THSD1: variants seen among roughly 807,000 people sequenced by gnomAD.
THSD1 encodes thrombospondin type 1 domain containing 1, also known as thrombospondin type-1 domain-containing protein 1.
In THSD1, 34 loss-of-function variants were observed where a neutral mutation model predicts 46.3. The ratio of observed to expected loss-of-function variants is 0.74; its 90% CI spans 0.56 to 0.98. THSD1 has a LOEUF of 0.98. Ranked by LOEUF, THSD1 falls within the 50% of genes least tolerant of loss-of-function variation. The pLI, the probability that THSD1 is intolerant of heterozygous loss-of-function variation, is 0.00. For synonymous variants in THSD1, 407 were observed against 416.5 expected (o/e 0.98, Z 0.28); for missense variants, 1,023 against 1,058.3 (o/e 0.97, Z 0.46).
intron 2 of THSD1, 86 bp from the exon 3 acceptor site, chr13:52,398,280 T>C: frequency 1.3e-6 from 2 of 1,484,080 alleles, no homozygotes; most frequent in Non-Finnish European, 1.8e-6. Context: ...AATTTTTAAA[T>C]TTTTTTTTGA....
chr13:52,381,935 A>G (rs1255842278), intron 4 of THSD1, among the ~76,000 whole-genome samples: 1 of 152,170 alleles, frequency 6.6e-6, no homozygotes, highest in Non-Finnish European at 1.5e-5. Context: ...AACAGTTCCC[A>G]CCAAGGTTAT....
intron 1 of THSD1, among the ~76,000 whole-genome samples, chr13:52,403,609 G>C (rs757075775): frequency 6.6e-6 from 1 of 152,124 alleles, no homozygotes; most frequent in Non-Finnish European, 1.5e-5. Flanking sequence ...AGCCTCCCGA[G>C]TAGCTGGGAC....
At chr13:52,396,522 T>C (rs1957813545) in intron 3 of THSD1, among the ~76,000 whole-genome samples, 1 of 151,932 alleles carries the variant, frequency 6.6e-6, no homozygotes, top group Non-Finnish European at 1.5e-5. Context: ...CGAGACTCTG[T>C]CTCAAAACAA....
At chr13:52,384,632 T>G (rs767674709) in intron 4 of THSD1, among the ~76,000 whole-genome samples, 1 of 152,194 alleles carries the variant, frequency 6.6e-6, no homozygotes, top group Non-Finnish European at 1.5e-5. Context: ...AAATAAATAT[T>G]GTCACATATA....
chr13:52,389,998 G>A (rs550913368), intron 3 of THSD1, among the ~76,000 whole-genome samples: 4 of 152,028 alleles, frequency 2.6e-5, no homozygotes, highest in African/African-American at 9.6e-5. Context: ...AAATTAGCCA[G>A]GGATAGTGCC....
At chr13:52,394,171 G>C (rs115778480) in intron 3 of THSD1, among the ~76,000 whole-genome samples, 1 of 152,206 alleles carries the variant, frequency 6.6e-6, no homozygotes, top group Non-Finnish European at 1.5e-5. Context: ...AGCATCTGTG[G>C]AAAGCCCAGC....
At chr13:52,400,603 A>AAAAC (rs552746254) in intron 2 of THSD1, among the ~76,000 whole-genome samples, 5,542 of 152,120 alleles carry the variant, frequency 0.036, 132 homozygotes, top group South Asian at 0.068. Flanking sequence ...CCATCTCAAA[A>AAAAC]AAACAAACAA....
intron 3 of THSD1, among the ~76,000 whole-genome samples, chr13:52,388,565 A>C (rs1957750662): frequency 6.6e-6 from 1 of 152,076 alleles, no homozygotes; most frequent in Admixed American, 6.6e-5. Context: ...CGCAACCTCC[A>C]CCCGCCTGGG....
intron 2 of THSD1, among the ~76,000 whole-genome samples, chr13:52,401,224 C>T (rs781667188): frequency 1.4e-4 from 22 of 152,240 alleles, no homozygotes; most frequent in Admixed American, 9.2e-4. Flanking sequence ...CTGCCCGCCT[C>T]GGCTTCCCAA....
chr13:52,390,140 CA>C (rs71769281), intron 3 of THSD1, among the ~76,000 whole-genome samples: 127 of 138,314 alleles, frequency 9.2e-4, no homozygotes, highest in East Asian at 1.7e-3. Context: ...GACATTGTCT[CA>C]AAAAAAAAAA....
intron 3 of THSD1, among the ~76,000 whole-genome samples, chr13:52,396,505 G>A (rs1003085831): frequency 2.0e-5 from 3 of 152,120 alleles, no homozygotes; most frequent in Admixed American, 6.6e-5. Context: ...CAGTCTGGGC[G>A]ACAGAGCGAG....
At position 52,378,133 on chromosome 13, in the gene THSD1, G is replaced by C. The variant is rs1017565864; in HGVS notation, c.1837C>G (p.Gln613Glu). The change falls in exon 5 of 5, where the codon CAG becomes GAG. Residue 613 changes from glutamine (Q) to glutamate (E), a missense_variant. By Grantham distance (29) the Gln-to-Glu change is conservative. Transcript: ENST00000258613. ...PPSRLDLNVTQASCAISPSQT... is the reference protein window; with the variant it reads ...PPSRLDLNVTEASCAISPSQT... ...CTGGGGCTTATGGCACAACTGGCCT[G>C]AGTCACATTTAGATCCAGCCTGGAG... is the stretch of plus-strand genomic sequence containing the variant. 4.3e-6 allele frequency: 7 copies of C among 1,614,086 alleles called. No homozygotes were observed. Among genetic ancestry groups the C allele is most frequent in the East Asian group, 4.5e-5 (2 of 44,892 alleles).
In THSD1 at chr13:52,385,892, C is replaced by G; in HGVS notation, c.1180+136G>C. On this transcript the variant is annotated intron_variant, in intron 4 of 4. Coordinates refer to ENST00000258613, the MANE Select transcript of THSD1 (RefSeq NM_018676.4). ...TACACTAACAAATACAGGGTTAGTACAACCAACAGCAATCACAGAGCATTA... is the reference window on the plus strand; with the variant it reads ...TACACTAACAAATACAGGGTTAGTAGAACCAACAGCAATCACAGAGCATTA... The G allele has an allele frequency of 5.4e-6, 4 of 747,180 alleles. No homozygotes were observed. In the South Asian group the frequency reaches 8.3e-5, roughly 16 times the overall value. The allele number at this position is 747,180 out of a possible 1,614,324, so 46.3% of individuals were successfully genotyped here. A position where few individuals can be genotyped will look rare whatever the true frequency, so the allele number is the denominator to read the frequency against.
chr13:52,380,707 C>T (rs903034437), intron 4 of THSD1, among the ~76,000 whole-genome samples: 3 of 152,092 alleles, frequency 2.0e-5, no homozygotes, highest in African/African-American at 4.8e-5. Context: ...CTTGGCCTCC[C>T]AAAGTGCTGG....
Position 52,378,652 on chromosome 13 carries a change from C to A in THSD1, c.1318G>T (p.Gly440Cys). 6.2e-7 allele frequency: 1 copy of A among 1,614,080 alleles called. No individual in the cohort carries two copies. The highest frequency in any genetic ancestry group is 8.5e-7 in the Non-Finnish European group (1 of 1,180,028). The change falls in exon 5 of 5, where the codon GGC (glycine) becomes TGC (cysteine). Residue 440 changes from glycine (G) to cysteine (C), a missense_variant. Gly to Cys is a radical substitution (Grantham distance 159, BLOSUM62 -3). Coordinates refer to ENST00000258613, the MANE Select transcript of THSD1 (RefSeq NM_018676.4). ...TVLITLWRRF[G>C]RPAKCSTPAR... ...GGTGTGCTGCACTTGGCTGGCCGGC[C>A]GAACCTCCTCCACAGCGTGATGAGC... is the stretch of plus-strand genomic sequence containing the variant.
intron 4 of THSD1, among the ~76,000 whole-genome samples, chr13:52,385,488 C>A (rs1020532630): frequency 2.0e-5 from 3 of 152,132 alleles, no homozygotes; most frequent in African/African-American, 7.2e-5. Flanking sequence ...CAGGAAAGGC[C>A]AGTCTTCGGA....
Position 52,398,212 on chromosome 13 carries a change from G to C in THSD1, c.59-18C>G. 1 of 1,590,830 alleles carries C rather than the reference G, an allele frequency of 6.3e-7. No homozygotes were observed. Among genetic ancestry groups the C allele is most frequent in the Non-Finnish European group, 8.6e-7 (1 of 1,168,440 alleles). The stretch of plus-strand genomic sequence containing the variant: ...TCCAAGAACTGAAATGAAGTGGTCA[G>C]AATTGGTTTTTAAAAGGTGCATTTG... On this transcript the variant is annotated intron_variant, in intron 2 of 4. Coordinates refer to ENST00000258613, the MANE Select transcript of THSD1 (RefSeq NM_018676.4).
intron 3 of THSD1, among the ~76,000 whole-genome samples, chr13:52,393,289 G>A (rs1159808162): frequency 2.0e-5 from 3 of 152,156 alleles, no homozygotes; most frequent in African/African-American, 7.2e-5. Context: ...AGTGCCTGAT[G>A]CAAAGTAATC....
chr13:52,380,497 CAT>C (rs370424330), intron 4 of THSD1, among the ~76,000 whole-genome samples: 123 of 151,710 alleles, frequency 8.1e-4, no homozygotes, highest in Admixed American at 1.9e-3. Context: ...AGCTGTCACA[CAT>C]AGTTTCTTTT....
Sources: allele counts gnomAD v4.1 joint callset (sites outside exome capture counted in the v4.1 genomes callset), GRCh38; gene constraint gnomAD v4.1.1; transcripts MANE v1.5; gene names NCBI Gene and HGNC (gene_info 2026-07-23, HGNC 2026-07-21).